The following MUC15 variants were observed in gnomAD, a reference collection of about 807,000 sequenced individuals.
MUC15 encodes mucin 15, cell surface associated, also known as mucin-15.
A neutral mutation model predicts 24.0 loss-of-function variants in MUC15; 23 were observed. That is an observed-to-expected ratio of 0.96 (90% confidence interval 0.69 to 1.36). MUC15 has a LOEUF of 1.36. MUC15 is among the 40% of genes most tolerant of loss of function. The pLI is 0.00. For synonymous variants in MUC15, 151 were observed against 156.3 expected, an observed-to-expected ratio of 0.97 and a Z score of 0.25; for missense variants, 442 against 428.2, an observed-to-expected ratio of 1.03 and a Z score of -0.29.
Position 26,559,835 on chromosome 11 carries a change from T to TACAC in MUC15, c.*1226_*1229dup, listed in dbSNP as rs71047866. On this transcript the variant is annotated 3_prime_UTR_variant, in exon 5 of 5. Transcript: ENST00000529533. ...TTATTTTCTGAAGCTGTTTCTGTGT[T>TACAC]ACACACACACACACACACACACACA... 7.8e-3 allele frequency: 5,160 copies of TACAC among 660,384 alleles called. 11 individuals are homozygous for TACAC. Among genetic ancestry groups the TACAC allele is most frequent in the Middle Eastern group, 7.7e-3 (17 of 2,206 alleles). The allele number at this position is 660,384 out of a possible 1,614,324, so 40.9% of individuals were successfully genotyped here. A position where few individuals can be genotyped will look rare whatever the true frequency, so the allele number is the denominator to read the frequency against.
chr11:26,562,214 C>G (rs1043829880), intron 4 of MUC15, among the ~76,000 whole-genome samples: 6 of 151,802 alleles, frequency 4.0e-5, no homozygotes, highest in African/African-American at 7.2e-5. Flanking sequence ...AAGAATGGTA[C>G]TTTTTGTTTT....
rs532869333 is a variant in MUC15, at chr11:26,560,158, T to C, written c.*907A>G. The C allele has an allele frequency of 1.0e-4, 18 of 179,164 alleles. No homozygotes were observed. Among genetic ancestry groups the C allele is most frequent in the African/African-American group, 4.2e-4 (18 of 42,516 alleles). 11.1% of individuals were successfully genotyped at this position (179,164 alleles called of 1,614,324 possible). The stretch of plus-strand genomic sequence containing the variant: ...ATATTTCCATTCATCTTTTTTAACC[T>C]TATGGTTCATACATTTAGGGATGCA... On this transcript the variant is annotated 3_prime_UTR_variant, in exon 5 of 5. Coordinates refer to ENST00000529533, the MANE Select transcript of MUC15 (RefSeq NM_001135091.2).
chr11:26,565,081 TG>T, intron 3 of MUC15, 83 bp downstream of exon 3: 1 of 1,316,648 alleles, frequency 7.6e-7, no homozygotes. Context: ...TTTTCCAGCA[TG>T]GTGATTCCTT....
chr11:26,570,636 A>G (rs1287165147), intron 1 of MUC15, among the ~76,000 whole-genome samples: 1 of 152,118 alleles, frequency 6.6e-6, no homozygotes, highest in Non-Finnish European at 1.5e-5. Flanking sequence ...ACGACTATAC[A>G]TTGGGCTGCC....
intron 3 of MUC15, among the ~76,000 whole-genome samples, chr11:26,564,732 C>CATATAT (rs66510170): frequency 5.5e-4 from 14 of 25,400 alleles, no homozygotes; most frequent in South Asian, 2.1e-3. Context: ...CACACACACA[C>CATATAT]ATATATATAT....
Position 26,561,227 on chromosome 11 carries a change from T to C in MUC15, c.926-2A>G. 2 of 1,596,198 alleles carry C rather than the reference T, an allele frequency of 1.3e-6. No individual in the cohort carries two copies. Among genetic ancestry groups the C allele is most frequent in the Non-Finnish European group, 1.7e-6 (2 of 1,172,100 alleles). On this transcript the variant is annotated splice_acceptor_variant, in intron 4 of 4. Transcript: ENST00000529533. LOFTEE classifies it high-confidence loss of function. ...CCGGTGCATTGTCTAATCGCAGAAC[T>C]AAAAAAGTAACAAAATAATACTGTT... is the stretch of plus-strand genomic sequence containing the variant.
intron 4 of MUC15, among the ~76,000 whole-genome samples, chr11:26,561,983 C>G (rs1476505347): frequency 6.6e-6 from 1 of 151,808 alleles, no homozygotes; most frequent in Non-Finnish European, 1.5e-5. Context: ...ATTGGGCTCC[C>G]AGGAACCTTA....
intron 3 of MUC15, among the ~76,000 whole-genome samples, 189 bp from the exon 4 acceptor site, chr11:26,563,454 T>G (rs1353722719): frequency 1.3e-5 from 2 of 150,938 alleles, no homozygotes; most frequent in Non-Finnish European, 3.0e-5. Context: ...CTATTTGGGA[T>G]ATATGGGCAA....
intron 2 of MUC15, 23 bp downstream of exon 2, chr11:26,567,029 G>GT: frequency 6.8e-7 from 1 of 1,472,738 alleles, no homozygotes; most frequent in South Asian, 1.5e-5. Flanking sequence ...AAAGTTTACA[G>GT]TATCATCTTA....
intron 1 of MUC15, among the ~76,000 whole-genome samples, chr11:26,567,833 G>A (rs937782343): frequency 6.6e-6 from 1 of 151,908 alleles, no homozygotes; most frequent in African/African-American, 2.4e-5. Context: ...AAATTGACAG[G>A]CTAGAGCTGT....
intron 2 of MUC15, among the ~76,000 whole-genome samples, chr11:26,566,606 T>G (rs1850594636): frequency 6.6e-6 from 1 of 151,934 alleles, no homozygotes; most frequent in Non-Finnish European, 1.5e-5. Context: ...GGATATTCTT[T>G]AATCTTACTC....
Position 26,559,052 on chromosome 11 carries a change from T to G in MUC15, c.*2013A>C, listed in dbSNP as rs893196212. On this transcript the variant is annotated 3_prime_UTR_variant, in exon 5 of 5. Coordinates refer to ENST00000529533, the MANE Select transcript of MUC15 (RefSeq NM_001135091.2). ...AAAGGTAAATTGAATTTATACTTTA[T>G]TAAAATCAAACAATACAAGCCTTAA... is the stretch of plus-strand genomic sequence containing the variant. The G allele has an allele frequency of 6.6e-6, 1 of 152,194 alleles. No individual in the cohort carries two copies. Among genetic ancestry groups the G allele is most frequent in the Non-Finnish European group, 1.5e-5 (1 of 68,038 alleles). 9.4% of individuals were successfully genotyped at this position (152,194 alleles called of 1,614,324 possible).
At position 26,560,536 on chromosome 11, in the gene MUC15, G is replaced by A. The variant is rs1412684381; in HGVS notation, c.*529C>T. 2 of 152,764 alleles carry A rather than the reference G, an allele frequency of 1.3e-5. No homozygotes were observed. The highest frequency in any genetic ancestry group is 2.9e-5 in the Non-Finnish European group (2 of 68,556). 9.5% of individuals were successfully genotyped at this position (152,764 alleles called of 1,614,324 possible). A position where few individuals can be genotyped will look rare whatever the true frequency, so the allele number is the denominator to read the frequency against. The stretch of plus-strand genomic sequence containing the variant: ...GAAAATTATAACGTACTAGAATACA[G>A]GTCTGTCATTTCTATTGCCTCAATT... On this transcript the variant is annotated 3_prime_UTR_variant, in exon 5 of 5. Transcript: ENST00000529533.
chr11:26,571,834 T>G (rs1437710686), intron 1 of MUC15, among the ~76,000 whole-genome samples: 1 of 152,154 alleles, frequency 6.6e-6, no homozygotes, highest in African/African-American at 2.4e-5. Flanking sequence ...TAAAGCTAAC[T>G]CATTTAGGAG....
Position 26,572,157 on chromosome 11 carries a change from G to A in MUC15, c.-162C>T. 1 of 985,400 alleles carries A rather than the reference G, an allele frequency of 1.0e-6. No homozygotes were observed. Among genetic ancestry groups the A allele is most frequent in the Non-Finnish European group, 1.2e-6 (1 of 829,966 alleles). The allele number at this position is 985,400 out of a possible 1,614,324, so 61.0% of individuals were successfully genotyped here. A position where few individuals can be genotyped will look rare whatever the true frequency, so the allele number is the denominator to read the frequency against. The stretch of plus-strand genomic sequence containing the variant: ...GGGTTAAGTGTGACAATGTCGCACT[G>A]AGCAGGAGGGTGCCAGGGAAACAAA... On this transcript the variant is annotated 5_prime_UTR_variant, in exon 1 of 5. The change creates a premature stop within an existing upstream ORF in the 5' untranslated region. Coordinates refer to ENST00000529533, the MANE Select transcript of MUC15 (RefSeq NM_001135091.2).
At chr11:26,570,918 A>G (rs1590564337) in intron 1 of MUC15, among the ~76,000 whole-genome samples, 1 of 152,248 alleles carries the variant, frequency 6.6e-6, no homozygotes, top group East Asian at 1.9e-4. Flanking sequence ...CCAACTAGAA[A>G]AAGGATTGTG....
chr11:26,570,891 G>C (rs149577634), intron 1 of MUC15, among the ~76,000 whole-genome samples: 9 of 152,160 alleles, frequency 5.9e-5, no homozygotes, highest in Admixed American at 2.0e-4. Context: ...TTTTATGAGA[G>C]GGTTTTGGAA....
chr11:26,559,829 CTG>C lies in MUC15; in HGVS notation c.*1234_*1235del. 1 of 992,744 alleles carries C rather than the reference CTG, an allele frequency of 1.0e-6. No individual in the cohort carries two copies. Among genetic ancestry groups the C allele is most frequent in the Non-Finnish European group, 1.6e-6 (1 of 635,208 alleles). The allele number at this position is 992,744 out of a possible 1,614,324, so 61.5% of individuals were successfully genotyped here. A position where few individuals can be genotyped will look rare whatever the true frequency, so the allele number is the denominator to read the frequency against. On this transcript the variant is annotated 3_prime_UTR_variant, in exon 5 of 5. Transcript: ENST00000529533. ...TATCCCTTATTTTCTGAAGCTGTTT[CTG>C]TGTTACACACACACACACACACACA...
chr11:26,567,996 G>T (rs1850663112), intron 1 of MUC15, among the ~76,000 whole-genome samples: 1 of 152,108 alleles, frequency 6.6e-6, no homozygotes, highest in African/African-American at 2.4e-5. Flanking sequence ...AAACAGAATT[G>T]ATTGGGTGGA....
Sources: allele counts gnomAD v4.1 joint callset (sites outside exome capture counted in the v4.1 genomes callset), GRCh38; gene constraint gnomAD v4.1.1; transcripts MANE v1.5; gene names NCBI Gene and HGNC (gene_info 2026-07-23, HGNC 2026-07-21).